Variants in VWDE observed in about 807,000 individuals in gnomAD.
VWDE encodes the protein von Willebrand factor D and EGF domain-containing protein.
A neutral mutation model predicts 178.4 loss-of-function variants in VWDE; 207 were observed. The observed-to-expected ratio is 1.16, with a 90% confidence interval of 1.04 to 1.30. VWDE has a LOEUF of 1.30. VWDE is among the 50% of genes most tolerant of loss of function. The pLI, the probability that VWDE is intolerant of heterozygous loss-of-function variation, is 0.00. For missense variants in VWDE, 2,287 were observed against 1,901.3 expected, an observed-to-expected ratio of 1.20 and a Z score of -3.77; for synonymous variants, 738 against 651.4, an observed-to-expected ratio of 1.13 and a Z score of -2.02.
chr7:12,379,773 A>G (rs538545459), intron 5 of VWDE, among the ~76,000 whole-genome samples: 4 of 152,282 alleles, frequency 2.6e-5, no homozygotes, highest in Non-Finnish European at 5.9e-5. Flanking sequence ...CATAAAGTAT[A>G]GTAGGCTTTG....
At chr7:12,340,937 T>C (rs1242775015) in intron 23 of VWDE, among the ~76,000 whole-genome samples, 5 of 152,178 alleles carry the variant, frequency 3.3e-5, no homozygotes, top group Non-Finnish European at 7.4e-5. Flanking sequence ...TTTGCTTCTT[T>C]ATTTTTGTTT....
In VWDE at chr7:12,373,000, A is replaced by G; in HGVS notation, c.1564T>C (p.Ser522Pro). The G allele has an allele frequency of 6.4e-7, 1 of 1,551,074 alleles. No homozygotes were observed. The highest frequency in any genetic ancestry group is 8.7e-7 in the Non-Finnish European group (1 of 1,146,550). ...DVTRNIKISE[S>P]YLGRKVTIWF... ...ACTGTGACTTTTCTTCCTAAGTAAG[A>G]TTCACTTATCTTGATATTCCTGGTT... Residue 522 changes from serine (S) to proline (P), a missense_variant, in exon 10 of 29, where the codon TCT becomes CCT. Coordinates refer to ENST00000275358, the MANE Select transcript of VWDE (RefSeq NM_001135924.3).
chr7:12,344,607 C>T lies in VWDE; in HGVS notation c.3887-138G>A, dbSNP rs374464426. ...TAGTCCCTCTAGATAATACTGAGAA[C>T]GTAAGAATACTCCAACAACTCTCTT... On this transcript the variant is annotated intron_variant, in intron 19 of 28. Coordinates refer to ENST00000275358, the MANE Select transcript of VWDE (RefSeq NM_001135924.3). 2.4e-4 allele frequency: 154 copies of T among 648,888 alleles called. 1 individual carries two copies. The highest frequency in any genetic ancestry group is 1.1e-3 in the African/African-American group (61 of 54,026). The allele number at this position is 648,888 out of a possible 1,614,324, so 40.2% of individuals were successfully genotyped here. A position where few individuals can be genotyped will look rare whatever the true frequency, so the allele number is the denominator to read the frequency against.
chr7:12,380,922 T>C (rs1381490761), intron 4 of VWDE, among the ~76,000 whole-genome samples, 189 bp from the exon 5 acceptor site: 1 of 152,146 alleles, frequency 6.6e-6, no homozygotes, highest in East Asian at 1.9e-4. Context: ...CACACAAATA[T>C]TGATAGCCAA....
In VWDE at chr7:12,367,403, C is replaced by T. The variant is rs971985771; in HGVS notation, c.2852G>A (p.Gly951Asp). Residue 951 changes from glycine to aspartate, a missense_variant, in exon 13 of 29, where the codon GGC (glycine) becomes GAC (aspartate). Gly to Asp is a moderately conservative substitution (Grantham distance 94). Coordinates refer to ENST00000275358, the MANE Select transcript of VWDE (RefSeq NM_001135924.3). ...TTTAATTGAAGGTAATTCTTTGAAG[C>T]CTTTGCCAAAAACTCTCACCATCAT... ...NCMMVRVFGK[G>D]FKELPSIKCE... 4 of 1,546,670 alleles carry T rather than the reference C, an allele frequency of 2.6e-6. No homozygotes were observed. The highest frequency in any genetic ancestry group is 1.4e-5 in the African/African-American group (1 of 72,698).
At chr7:12,340,862 C>T (rs554923369) in intron 23 of VWDE, among the ~76,000 whole-genome samples, 3 of 152,292 alleles carry the variant, frequency 2.0e-5, no homozygotes, top group Admixed American at 2.0e-4. Flanking sequence ...ACCTCTTTAT[C>T]GCCTTCCCAA....
At chr7:12,333,231 C>A (rs190026884) in intron 28 of VWDE, among the ~76,000 whole-genome samples, 2 of 152,012 alleles carry the variant, frequency 1.3e-5, no homozygotes, top group Non-Finnish European at 2.9e-5. Context: ...TGAAATACTG[C>A]GTTACATTGG....
At chr7:12,361,112 A>T in intron 15 of VWDE, 35 bp downstream of exon 15, 2 of 1,281,490 alleles carry the variant, frequency 1.6e-6, no homozygotes, top group Non-Finnish European at 2.2e-6. Flanking sequence ...AATACCTATG[A>T]TGTAAATGTG....
At chr7:12,363,429 A>G (rs1782686976) in intron 13 of VWDE, among the ~76,000 whole-genome samples, 2 of 152,102 alleles carry the variant, frequency 1.3e-5, no homozygotes, top group African/African-American at 4.8e-5. Flanking sequence ...TTAATCCTAT[A>G]AATCAGCAAC....
intron 18 of VWDE, among the ~76,000 whole-genome samples, chr7:12,352,698 A>G (rs1256357543): frequency 1.3e-5 from 2 of 152,138 alleles, no homozygotes; most frequent in East Asian, 3.9e-4. Flanking sequence ...TGTGTTGCTC[A>G]TATCTGTGGG....
chr7:12,336,194 G>C lies in VWDE; in HGVS notation c.4601C>G (p.Ala1534Gly). The C allele has an allele frequency of 6.4e-7, 1 of 1,551,310 alleles. No homozygotes were observed. Among genetic ancestry groups the C allele is most frequent in the Non-Finnish European group, 8.7e-7 (1 of 1,146,872 alleles). Reference sequence around the variant, plus strand: ...GGAAGGACAATGGCATATGCTGGGCGCAATGCATTCACCACCGTTTTTACA... The same window carrying C: ...GGAAGGACAATGGCATATGCTGGGCCCAATGCATTCACCACCGTTTTTACA... ...QKCKNGGECIAPSICHCPSSW... is the reference protein window; with the variant it reads ...QKCKNGGECIGPSICHCPSSW... The change falls in exon 27 of 29, where the codon GCG (alanine) becomes GGG (glycine). Residue 1534 changes from alanine (A) to glycine (G), a missense_variant. Physicochemically the swap from Ala to Gly is moderately conservative, Grantham distance 60. Coordinates refer to ENST00000275358, the MANE Select transcript of VWDE (RefSeq NM_001135924.3).
At chr7:12,394,854 T>A (rs1479565706) in intron 1 of VWDE, among the ~76,000 whole-genome samples, 1 of 152,258 alleles carries the variant, frequency 6.6e-6, no homozygotes, top group African/African-American at 2.4e-5. Context: ...AAATACTTAT[T>A]ATATAATTTT....
chr7:12,336,320 GA>G lies in VWDE; in HGVS notation c.4559-85del, dbSNP rs376084422. On this transcript the variant is annotated intron_variant, in intron 26 of 28. Coordinates refer to ENST00000275358, the MANE Select transcript of VWDE (RefSeq NM_001135924.3). ...AACCCACAAAACTTTTCATTAGAGAGAAAAAAAGAAATAGTTACAAGTAAGT... is the reference window on the plus strand; with the variant it reads ...AACCCACAAAACTTTTCATTAGAGAGAAAAAAGAAATAGTTACAAGTAAGT... 3,973 of 1,128,296 alleles carry G rather than the reference GA, an allele frequency of 3.5e-3. 93 individuals are homozygous for G. The African/African-American group carries it at 0.056, about 16-fold the overall frequency. 69.9% of individuals were successfully genotyped at this position (1,128,296 alleles called of 1,614,324 possible). A position where few individuals can be genotyped will look rare whatever the true frequency, so the allele number is the denominator to read the frequency against.
intron 2 of VWDE, among the ~76,000 whole-genome samples, chr7:12,391,185 C>T (rs1004527855): frequency 7.9e-5 from 12 of 152,060 alleles, no homozygotes; most frequent in African/African-American, 2.7e-4. Context: ...ATGTTAATAA[C>T]AGTAGTTATG....
In VWDE at chr7:12,344,444, T is replaced by TG; in HGVS notation, c.3911_3912insC (p.Lys1304AsnfsTer3). The stretch of plus-strand genomic sequence containing the variant: ...TGTTTGGGGCAACACACTCCCTACT[T>TG]TTTCCACATGGATATTTACAAATGG... On this transcript the variant is annotated frameshift_variant, in exon 20 of 29. Coordinates refer to ENST00000275358, the MANE Select transcript of VWDE (RefSeq NM_001135924.3). LOFTEE classifies it high-confidence loss of function. The TG allele has an allele frequency of 6.4e-7, 1 of 1,550,438 alleles. No individual in the cohort carries two copies. Among genetic ancestry groups the TG allele is most frequent in the Non-Finnish European group, 8.7e-7 (1 of 1,146,402 alleles).
intron 9 of VWDE, 131 bp from the exon 10 acceptor site, chr7:12,373,378 AACACC>A (rs1275977266): frequency 1.1e-6 from 1 of 901,478 alleles, no homozygotes; most frequent in East Asian, 2.6e-5. Flanking sequence ...AGTAGTCATA[AACACC>A]TCAATCTCTC....
chr7:12,384,498 C>G (rs1201812582), intron 3 of VWDE, among the ~76,000 whole-genome samples: 1 of 151,964 alleles, frequency 6.6e-6, no homozygotes, highest in African/African-American at 2.4e-5. Flanking sequence ...AAACTATAGA[C>G]TAGGTGATAA....
intron 2 of VWDE, among the ~76,000 whole-genome samples, chr7:12,390,024 G>T (rs1008970037): frequency 6.6e-6 from 1 of 152,096 alleles, no homozygotes; most frequent in African/African-American, 2.4e-5. Context: ...AATTAGCCGG[G>T]TGTGGTGGCG....
intron 13 of VWDE, among the ~76,000 whole-genome samples, chr7:12,364,979 A>G (rs1319866916): frequency 1.3e-5 from 2 of 152,100 alleles, no homozygotes; most frequent in South Asian, 2.1e-4. Flanking sequence ...CATGACCTCA[A>G]TCTAACCATA....
Sources: gnomAD v4.1 joint callset for allele counts (sites outside exome capture counted in the v4.1 genomes callset) on GRCh38, gnomAD v4.1.1 for gene constraint, MANE v1.5 for transcripts, NCBI Gene and HGNC (gene_info 2026-07-23, HGNC 2026-07-21) for gene names.